Variants in CSMD1 observed in about 807,000 individuals in gnomAD.
The protein encoded by CSMD1 is CUB and Sushi multiple domains 1.
Under a neutral mutation model 417.5 loss-of-function variants are expected in CSMD1, and 213 were observed. The ratio of observed to expected loss-of-function variants is 0.51; its 90% CI spans 0.46 to 0.57. CSMD1 has a LOEUF of 0.57. Ranked by LOEUF, CSMD1 falls within the 20% of genes least tolerant of loss-of-function variation. The probability of loss-of-function intolerance (pLI) is 0.00; values close to 1 mark genes in which losing one functional copy is unlikely to be tolerated. For missense variants in CSMD1, 6,923 were observed against 4,529.7 expected (o/e 1.53, Z -15.17); for synonymous variants, 2,862 against 1,736.8 (o/e 1.65, Z -16.11).
At chr8:4,219,211 T>A (rs1800871516) in intron 3 of CSMD1, among the ~76,000 whole-genome samples, 2 of 152,210 alleles carry the variant, frequency 1.3e-5, no homozygotes, top group Admixed American at 1.3e-4. Context: ...TGTAAAATTA[T>A]TTTTTCACCC....
intron 30 of CSMD1, 56 bp downstream of exon 30, chr8:3,214,441 A>T (rs1797780030): frequency 2.2e-6 from 3 of 1,378,672 alleles, no homozygotes. Flanking sequence ...CTTCAATGAG[A>T]TGCTGCATTT....
At chr8:3,967,870 A>G (rs1456536707) in intron 5 of CSMD1, among the ~76,000 whole-genome samples, 1 of 152,074 alleles carries the variant, frequency 6.6e-6, no homozygotes, top group Non-Finnish European at 1.5e-5. Flanking sequence ...TGCTCGCTTA[A>G]GAATGTGCCA....
At chr8:3,404,020 G>C (rs555203362) in intron 15 of CSMD1, among the ~76,000 whole-genome samples, 1 of 152,112 alleles carries the variant, frequency 6.6e-6, no homozygotes, top group East Asian at 1.9e-4. Context: ...TTTTAACAAT[G>C]TATGAAAAGG....
chr8:3,470,538 G>T (rs541180028), intron 11 of CSMD1, among the ~76,000 whole-genome samples: 22 of 152,186 alleles, frequency 1.4e-4, no homozygotes, highest in African/African-American at 5.3e-4. Context: ...TATTTTGTAT[G>T]TACATTTGTG....
intron 2 of CSMD1, among the ~76,000 whole-genome samples, chr8:4,542,548 A>G (rs1207992689): frequency 6.6e-6 from 1 of 152,210 alleles, no homozygotes; most frequent in African/African-American, 2.4e-5. Context: ...TAGAAGATAA[A>G]AGGGTGCTGT....
intron 26 of CSMD1, among the ~76,000 whole-genome samples, chr8:3,267,199 C>G (rs1416359602): frequency 1.3e-5 from 2 of 152,062 alleles, no homozygotes; most frequent in Non-Finnish European, 2.9e-5. Flanking sequence ...GTCAGAATTC[C>G]CAGGTAACAG....
chr8:4,553,133 C>A (rs1013000662), intron 2 of CSMD1, among the ~76,000 whole-genome samples: 1 of 152,216 alleles, frequency 6.6e-6, no homozygotes, highest in Non-Finnish European at 1.5e-5. Context: ...AGCCCCGTAC[C>A]TTGTGAACAC....
At chr8:3,928,879 C>A (rs1017372778) in intron 5 of CSMD1, among the ~76,000 whole-genome samples, 6 of 139,262 alleles carry the variant, frequency 4.3e-5, no homozygotes, top group Non-Finnish European at 6.1e-5. Flanking sequence ...ATGGAGCTTT[C>A]CACTGTTGCT....
chr8:4,684,795 T>C (rs1806267958), intron 1 of CSMD1, among the ~76,000 whole-genome samples: 2 of 152,326 alleles, frequency 1.3e-5, no homozygotes, highest in South Asian at 4.1e-4. Context: ...ATTTTAATTA[T>C]TGAGAACAGT....
intron 3 of CSMD1, among the ~76,000 whole-genome samples, chr8:4,324,761 C>G (rs1361443864): frequency 6.6e-6 from 1 of 152,120 alleles, no homozygotes; most frequent in African/African-American, 2.4e-5. Flanking sequence ...TTGTTTCAGC[C>G]CCATAAACAA....
chr8:4,819,449 A>G (rs1767365733), intron 1 of CSMD1, among the ~76,000 whole-genome samples: 1 of 152,130 alleles, frequency 6.6e-6, no homozygotes, highest in Non-Finnish European at 1.5e-5. Flanking sequence ...TGACTTATAG[A>G]AATATTATTG....
rs140141080 is a variant in CSMD1, at chr8:4,382,395, T to C, written c.415+37558A>G. 3.3e-5 allele frequency among the ~76,000 whole-genome samples: 5 copies of C among 152,336 alleles called. No individual in the cohort carries two copies. In the East Asian group the frequency reaches 9.6e-4, roughly 29 times the overall value. On this transcript the variant is annotated intron_variant, in intron 3 of 69. Coordinates refer to ENST00000635120, the MANE Select transcript of CSMD1 (RefSeq NM_033225.6). Reference sequence around the variant, plus strand: ...CCAGATAATTCCGGAGAGGAGCGCATGGTCAATGAATGAAGCAAATTAGCT... The same window carrying C: ...CCAGATAATTCCGGAGAGGAGCGCACGGTCAATGAATGAAGCAAATTAGCT...
At position 4,707,674 on chromosome 8, in the gene CSMD1, G is replaced by C. The variant is rs186209519; in HGVS notation, c.86-70116C>G. Reference sequence around the variant, plus strand: ...GGCCGAGGCGGGCGGATCACCTGAGGTCAGGAGTTCCAGACCAGCCTGCCC... The same window carrying C: ...GGCCGAGGCGGGCGGATCACCTGAGCTCAGGAGTTCCAGACCAGCCTGCCC... On this transcript the variant is annotated intron_variant, in intron 1 of 69. Transcript: ENST00000635120. Among the ~76,000 whole-genome samples, 969 of 151,976 alleles carry C rather than the reference G, an allele frequency of 6.4e-3. 6 individuals are homozygous for C. Among genetic ancestry groups the C allele is most frequent in the Middle Eastern group, 0.037 (11 of 294 alleles).
intron 7 of CSMD1, among the ~76,000 whole-genome samples, chr8:3,623,842 T>C (rs994461494): frequency 6.6e-6 from 1 of 152,088 alleles, no homozygotes; most frequent in Non-Finnish European, 1.5e-5. Context: ...CTGGGCGTGC[T>C]GGTGTGCATC....
intron 2 of CSMD1, among the ~76,000 whole-genome samples, chr8:4,499,142 A>C (rs983143704): frequency 1.3e-5 from 2 of 152,208 alleles, no homozygotes; most frequent in Non-Finnish European, 2.9e-5. Flanking sequence ...CAAGATAAAG[A>C]AACAAAACCA....
intron 3 of CSMD1, among the ~76,000 whole-genome samples, chr8:4,169,706 C>T (rs1217018225): frequency 6.6e-6 from 1 of 152,150 alleles, no homozygotes; most frequent in African/African-American, 2.4e-5. Flanking sequence ...CTGTGCATGG[C>T]TTGCTCCCTA....
chr8:4,538,669 T>C (rs1039749625), intron 2 of CSMD1, among the ~76,000 whole-genome samples: 3 of 152,036 alleles, frequency 2.0e-5, no homozygotes, highest in Non-Finnish European at 2.9e-5. Flanking sequence ...AAATGAAATA[T>C]AATAAAATAA....
intron 1 of CSMD1, among the ~76,000 whole-genome samples, chr8:4,746,098 T>G (rs1364648390): frequency 6.6e-6 from 1 of 152,214 alleles, no homozygotes; most frequent in Admixed American, 6.5e-5. Context: ...CCCCGTGACT[T>G]CACTTGTGCT....
intron 26 of CSMD1, among the ~76,000 whole-genome samples, chr8:3,233,691 G>A (rs987622700): frequency 6.6e-6 from 1 of 151,886 alleles, no homozygotes; most frequent in East Asian, 1.9e-4. Flanking sequence ...AATCCGATAA[G>A]AATTCCAATT....
Sources: allele counts gnomAD v4.1 joint callset (sites outside exome capture counted in the v4.1 genomes callset), GRCh38; gene constraint gnomAD v4.1.1; transcripts MANE v1.5; gene names NCBI Gene and HGNC (gene_info 2026-07-23, HGNC 2026-07-21).